The following CNKSR2 variants were observed in gnomAD, a reference collection of about 807,000 sequenced individuals.
CNKSR2 encodes connector enhancer of kinase suppressor of Ras 2.
Under a neutral mutation model 84.4 loss-of-function variants are expected in CNKSR2, and 14 were observed. That is an observed-to-expected ratio of 0.17 (90% CI 0.11 to 0.26). The LOEUF (loss-of-function observed/expected upper bound fraction) is 0.26. Ranked by LOEUF, CNKSR2 falls within the 10% of genes least tolerant of loss-of-function variation. The pLI is 1.00. For missense variants in CNKSR2, 485 were observed against 771.2 expected (o/e 0.63, Z 4.40); for synonymous variants, 275 against 277.9 (o/e 0.99, Z 0.10).
intron 1 of CNKSR2, among the ~76,000 whole-genome samples, chrX:21,396,923 C>T (rs1206718928): frequency 8.9e-6 from 1 of 111,866 alleles, no homozygotes; most frequent in Non-Finnish European, 1.9e-5. Context: ...CTTTTGATCA[C>T]TGGTGTCAAA....
At chrX:21,637,008 T>C (rs1040012721) in intron 20 of CNKSR2, among the ~76,000 whole-genome samples, 33 of 111,787 alleles carry the variant, frequency 3.0e-4, no homozygotes, top group African/African-American at 8.8e-4. Context: ...TAAAACAACA[T>C]GTTAAGTACT....
chrX:21,400,981 G>A (rs747781285), intron 1 of CNKSR2, among the ~76,000 whole-genome samples: 65 of 111,371 alleles, frequency 5.8e-4, no homozygotes, highest in Middle Eastern at 4.2e-3. Flanking sequence ...TGCAGTGCTA[G>A]AAGTATGCAA....
intron 2 of CNKSR2, chrX:21,426,867 T>C: frequency 2.4e-6 from 1 of 422,947 alleles, no homozygotes; most frequent in Middle Eastern, 6.6e-4. Context: ...ACATCTTTTA[T>C]AACAGTAAGA....
At chrX:21,650,718 GAGAC>G (rs1320110050) in intron 21 of CNKSR2, among the ~76,000 whole-genome samples, 1 of 112,023 alleles carries the variant, frequency 8.9e-6, no homozygotes, top group Admixed American at 9.4e-5. Context: ...GAGTACCAAA[GAGAC>G]AGACAAACTA....
At chrX:21,477,471 T>G (rs2091272182) in intron 5 of CNKSR2, among the ~76,000 whole-genome samples, 1 of 111,329 alleles carries the variant, frequency 9.0e-6, no homozygotes, top group South Asian at 3.8e-4. Flanking sequence ...ATTAGGCTTA[T>G]TTTGGCATGT....
At chrX:21,443,816 A>G (rs2090816907) in intron 4 of CNKSR2, among the ~76,000 whole-genome samples, 4 of 111,506 alleles carry the variant, frequency 3.6e-5, no homozygotes, top group African/African-American at 3.3e-5. Context: ...GTTCAAGTAA[A>G]TGGACAAATA....
At chrX:21,605,432 A>G (rs2092510732) in intron 18 of CNKSR2, among the ~76,000 whole-genome samples, 1 of 112,507 alleles carries the variant, frequency 8.9e-6, no homozygotes, top group South Asian at 3.7e-4. Context: ...GCCTGAATAT[A>G]GTTGAGAATG....
chrX:21,374,878 A>G lies in CNKSR2; in HGVS notation c.-20A>G, dbSNP rs2089784013. 4.2e-6 allele frequency: 5 copies of G among 1,201,385 alleles called. No individual in the cohort carries two copies. The highest frequency in any genetic ancestry group is 5.6e-6 in the Non-Finnish European group (5 of 886,712). On this transcript the variant is annotated 5_prime_UTR_variant, in exon 1 of 22. Coordinates refer to ENST00000379510, the MANE Select transcript of CNKSR2 (RefSeq NM_014927.5). ...TTTGTGTCTGAGCTCTGCGCTCTGC[A>G]CGGAACCGACCCCGTACCCATGGCT...
At chrX:21,442,886 A>T (rs2090802993) in intron 4 of CNKSR2, among the ~76,000 whole-genome samples, 1 of 111,350 alleles carries the variant, frequency 9.0e-6, no homozygotes, top group Non-Finnish European at 1.9e-5. Flanking sequence ...TATCTTAAGC[A>T]AACTTAACAC....
intron 20 of CNKSR2, among the ~76,000 whole-genome samples, chrX:21,626,162 A>C (rs1055598268): frequency 1.9e-5 from 2 of 107,708 alleles, no homozygotes; most frequent in Non-Finnish European, 3.8e-5. Flanking sequence ...ATCAGACAAG[A>C]CCTCACAGAG....
At chrX:21,442,413 C>G (rs1175330466) in intron 4 of CNKSR2, among the ~76,000 whole-genome samples, 1 of 111,814 alleles carries the variant, frequency 8.9e-6, no homozygotes, top group Non-Finnish European at 1.9e-5. Context: ...TGATGCCTTC[C>G]TTAATGGATA....
At chrX:21,417,050 A>G (rs762012131) in intron 1 of CNKSR2, among the ~76,000 whole-genome samples, 9 of 111,597 alleles carry the variant, frequency 8.1e-5, no homozygotes, top group African/African-American at 2.6e-4. Context: ...GTAAGCACAT[A>G]TAACTATAAA....
chrX:21,652,251 A>T (rs1481625350), intron 21 of CNKSR2, 55 bp from the exon 22 acceptor site: 1 of 1,024,936 alleles, frequency 9.8e-7, no homozygotes, highest in Non-Finnish European at 1.4e-6. Flanking sequence ...TTTTTATTTT[A>T]AACTTGAATA....
intron 4 of CNKSR2, among the ~76,000 whole-genome samples, chrX:21,462,867 C>T (rs1428853316): frequency 9.1e-6 from 1 of 109,469 alleles, no homozygotes. Flanking sequence ...GGGCGTGCCA[C>T]CACACCCGGC....
At position 21,654,144 on chromosome X, in the gene CNKSR2, A is replaced by G. The variant is rs1165344702; in HGVS notation, c.*1623A>G. The G allele has an allele frequency of 9.1e-6, 1 of 109,946 alleles. No homozygotes were observed. Among genetic ancestry groups the G allele is most frequent in the African/African-American group, 3.3e-5 (1 of 30,218 alleles). The allele number at this position is 109,946 out of a possible 1,213,427, so 9.1% of individuals were successfully genotyped here. The stretch of plus-strand genomic sequence containing the variant: ...AGTCAAAATGGATGAGAAATCATGT[A>G]TTAATGTTTGTATGGAATTTTGGGT... On this transcript the variant is annotated 3_prime_UTR_variant, in exon 22 of 22. Coordinates refer to ENST00000379510, the MANE Select transcript of CNKSR2 (RefSeq NM_014927.5).
chrX:21,480,413 C>A (rs1376787954), intron 5 of CNKSR2, among the ~76,000 whole-genome samples: 1 of 111,896 alleles, frequency 8.9e-6, no homozygotes, highest in Admixed American at 9.5e-5. Flanking sequence ...AAGCTAAAAT[C>A]AAAACATTTT....
chrX:21,453,710 G>A (rs757023759), intron 4 of CNKSR2, among the ~76,000 whole-genome samples: 14 of 111,808 alleles, frequency 1.3e-4, no homozygotes, highest in African/African-American at 4.5e-4. Context: ...AATTTATAAA[G>A]AAAAGAGGTT....
At chrX:21,476,051 G>A (rs1484863457) in intron 5 of CNKSR2, among the ~76,000 whole-genome samples, 3 of 110,842 alleles carry the variant, frequency 2.7e-5, no homozygotes, top group Non-Finnish European at 5.7e-5. Context: ...TTGTGAGGTG[G>A]TGTATCTTTC....
intron 9 of CNKSR2, 144 bp downstream of exon 9, chrX:21,516,775 C>G: frequency 2.1e-6 from 1 of 472,303 alleles, no homozygotes; most frequent in Middle Eastern, 6.7e-4. Flanking sequence ...GATCTCTTCA[C>G]AGCTATTCTA....
Sources: gnomAD v4.1 joint callset for allele counts (sites outside exome capture counted in the v4.1 genomes callset) on GRCh38, gnomAD v4.1.1 for gene constraint, MANE v1.5 for transcripts, NCBI Gene and HGNC (gene_info 2026-07-23, HGNC 2026-07-21) for gene names.